The following PCDHA4 variants were observed in gnomAD, a reference collection of about 807,000 sequenced individuals.
The protein encoded by PCDHA4 is protocadherin alpha-4.
A neutral mutation model predicts 61.4 loss-of-function variants in PCDHA4; 49 were observed. That is an observed-to-expected ratio of 0.80 (90% CI 0.63 to 1.01). The LOEUF (loss-of-function observed/expected upper bound fraction) is 1.01, where lower values mean the gene tolerates loss of function less well. Ranked by LOEUF, PCDHA4 falls within the 50% of genes least tolerant of loss-of-function variation. The pLI is 0.00. For missense variants in PCDHA4, 1,254 were observed against 1,235.8 expected (o/e 1.01, Z -0.22); for synonymous variants, 590 against 550.3 (o/e 1.07, Z -1.01).
chr5:140,978,967 G>C lies in PCDHA4; in HGVS notation c.2404G>C (p.Asp802His), dbSNP rs782109224. 1.9e-6 allele frequency: 3 copies of C among 1,614,038 alleles called. No homozygotes were observed. The highest frequency in any genetic ancestry group is 1.1e-5 in the South Asian group (1 of 91,066). The stretch of plus-strand genomic sequence containing the variant: ...TTTGCAGCCACGACAGCCCAACCCT[G>C]ACTGGCGTTACTCTGCCTCCCTGAG... ...SFAKPRQPNPDWRYSASLRAG... is the reference protein window; with the variant it reads ...SFAKPRQPNPHWRYSASLRAG... The change falls in exon 2 of 4, where the codon GAC (aspartate) becomes CAC (histidine). Residue 802 changes from aspartate to histidine, a missense_variant. Asp to His is a moderately conservative substitution (Grantham distance 81). Coordinates refer to ENST00000530339, the MANE Select transcript of PCDHA4 (RefSeq NM_018907.4).
intron 1 of PCDHA4, chr5:140,828,480 C>A (rs2150155804): frequency 6.2e-7 from 1 of 1,614,198 alleles, no homozygotes; most frequent in African/African-American, 1.3e-5. Context: ...AACGACAACC[C>A]GCCCTTGTTC....
chr5:141,009,563 C>A, intron 3 of PCDHA4, 64 bp from the exon 4 acceptor site: 1 of 1,571,920 alleles, frequency 6.4e-7, no homozygotes, highest in Non-Finnish European at 8.6e-7. Flanking sequence ...TGTACTCTAC[C>A]AGCAGTGTGG....
At position 140,951,793 on chromosome 5, in the gene PCDHA4, C is replaced by T. The variant is rs536005204; in HGVS notation, c.2386-27156C>T. 5.3e-5 allele frequency among the ~76,000 whole-genome samples: 8 copies of T among 152,244 alleles called. No homozygotes were observed. The South Asian group carries it at 1.7e-3, about 32-fold the overall frequency. On this transcript the variant is annotated intron_variant, in intron 1 of 3. Coordinates refer to ENST00000530339, the MANE Select transcript of PCDHA4 (RefSeq NM_018907.4). ...TTCTTACATTGCAAAATACAATTAT[C>T]CCTTCCCAATGGTCCCTCAAAGTCT...
At chr5:141,005,868 G>T (rs1428789229) in intron 3 of PCDHA4, among the ~76,000 whole-genome samples, 1 of 152,078 alleles carries the variant, frequency 6.6e-6, no homozygotes, top group African/African-American at 2.4e-5. Flanking sequence ...GGTCGATTGA[G>T]TCCAGGAGTT....
chr5:140,997,781 C>G (rs1207024588), intron 3 of PCDHA4, among the ~76,000 whole-genome samples: 1 of 151,626 alleles, frequency 6.6e-6, no homozygotes, highest in Non-Finnish European at 1.5e-5. Context: ...TGTTGTATAC[C>G]TATATTATAA....
rs1463277099 is a variant in PCDHA4, at chr5:140,808,870, C to T, written c.1683C>T (p.Asn561=). 6.8e-6 allele frequency: 11 copies of T among 1,613,180 alleles called. No individual in the cohort carries two copies. The highest frequency in any genetic ancestry group is 9.3e-6 in the Non-Finnish European group (11 of 1,179,908). The change falls in exon 1 of 4, where the codon AAC becomes AAT. Residue 561 remains asparagine, a synonymous_variant. Coordinates refer to ENST00000530339, the MANE Select transcript of PCDHA4 (RefSeq NM_018907.4). ...LQVFVLDEND[N]APALLAPRAG... ...TGTTCGTGCTGGACGAAAACGACAA[C>T]GCGCCAGCACTGCTAGCGCCTCGGG... is the stretch of plus-strand genomic sequence containing the variant.
At position 140,858,138 on chromosome 5, in the gene PCDHA4, A is replaced by T. The variant is rs577433161; in HGVS notation, c.2385+48566A>T. On this transcript the variant is annotated intron_variant, in intron 1 of 3. Coordinates refer to ENST00000530339, the MANE Select transcript of PCDHA4 (RefSeq NM_018907.4). ...GTGGCCCTGGTGGATGTCAACGTGT[A>T]CCTGATCATCGCCATCTGCGCGGTG... 43 of 1,597,514 alleles carry T rather than the reference A, an allele frequency of 2.7e-5. 1 individual carries two copies. The African/African-American group carries it at 5.5e-4, about 20-fold the overall frequency.
chr5:140,884,577 T>G, intron 1 of PCDHA4: 1 of 1,614,230 alleles, frequency 6.2e-7, no homozygotes, highest in Non-Finnish European at 8.5e-7. Context: ...ACGGACCTCA[T>G]GGCCTTCAGT....
rs117279546 is a variant in PCDHA4 at position 140,845,433 on chromosome 5, T to C, written c.2385+35861T>C. On this transcript the variant is annotated intron_variant, in intron 1 of 3. Coordinates refer to ENST00000530339, the MANE Select transcript of PCDHA4 (RefSeq NM_018907.4). ...TGGCAATTTATCATTTAAGTCATTT[T>C]AGTTCTGTTTTTCTTCAACTCTCTG... Among the ~76,000 whole-genome samples the C allele has an allele frequency of 1.1e-4, 16 of 149,790 alleles. No individual in the cohort carries two copies. In the East Asian group the frequency reaches 2.1e-3, roughly 20 times the overall value.
At chr5:140,838,112 G>C (rs950197929) in intron 1 of PCDHA4, among the ~76,000 whole-genome samples, 3 of 149,312 alleles carry the variant, frequency 2.0e-5, no homozygotes, top group Non-Finnish European at 4.5e-5. Context: ...GTGTGTGTGT[G>C]TGTGTGTGTG....
At position 140,892,381 on chromosome 5, in the gene PCDHA4, G is replaced by A. The variant is rs534818455; in HGVS notation, c.2385+82809G>A. Among the ~76,000 whole-genome samples the A allele has an allele frequency of 2.6e-5, 4 of 152,070 alleles. No individual in the cohort carries two copies. The South Asian group carries it at 8.3e-4, about 32-fold the overall frequency. On this transcript the variant is annotated intron_variant, in intron 1 of 3. Coordinates refer to ENST00000530339, the MANE Select transcript of PCDHA4 (RefSeq NM_018907.4). ...GCATCTTGGGGCACTAGCAATCATG[G>A]GTAATCTTAATCTATTTCAAGCTTC...
intron 1 of PCDHA4, among the ~76,000 whole-genome samples, chr5:140,894,543 T>C (rs782418710): frequency 2.6e-5 from 4 of 152,088 alleles, no homozygotes; most frequent in Non-Finnish European, 4.4e-5. Flanking sequence ...TCTGGTTTAG[T>C]GTTTACTTCT....
At chr5:140,967,166 G>T (rs563863114) in intron 1 of PCDHA4, 1 of 1,611,394 alleles carries the variant, frequency 6.2e-7, no homozygotes, top group South Asian at 1.1e-5. Context: ...GGTGAGCGCC[G>T]TTGAGGTGGA....
At chr5:140,826,269 A>G (rs1554130513) in intron 1 of PCDHA4, among the ~76,000 whole-genome samples, 5 of 152,168 alleles carry the variant, frequency 3.3e-5, no homozygotes, top group Non-Finnish European at 7.4e-5. Flanking sequence ...GTCTTTATGT[A>G]TATTTTGTGC....
intron 1 of PCDHA4, chr5:140,829,829 C>A: frequency 6.2e-7 from 1 of 1,613,904 alleles, no homozygotes; most frequent in Non-Finnish European, 8.5e-7. Flanking sequence ...AGTGAGCGAG[C>A]TGGTGCCGCG....
intron 1 of PCDHA4, among the ~76,000 whole-genome samples, chr5:140,846,373 C>CTTTTTTTTT (rs374699051): frequency 1.6e-4 from 9 of 55,150 alleles, no homozygotes; most frequent in Non-Finnish European, 2.9e-4. Context: ...TTCTTTCTTT[C>CTTTTTTTTT]TTTTTTTTTT....
chr5:140,833,845 A>G (rs2150211718), intron 1 of PCDHA4, among the ~76,000 whole-genome samples: 239 of 152,320 alleles, frequency 1.6e-3, no homozygotes, highest in African/African-American at 5.6e-3. Flanking sequence ...GATTTTTCTT[A>G]ACAAGCGATA....
chr5:140,966,934 G>C (rs782780798), intron 1 of PCDHA4: 3 of 1,604,080 alleles, frequency 1.9e-6, no homozygotes, highest in Non-Finnish European at 2.5e-6. Flanking sequence ...CACCCGGCGC[G>C]CTCGTGGGCA....
Position 140,850,965 on chromosome 5 carries a change from G to C in PCDHA4, c.2385+41393G>C, listed in dbSNP as rs200912451. 36 of 1,464,074 alleles carry C rather than the reference G, an allele frequency of 2.5e-5. 1 individual carries two copies. In the Middle Eastern group the frequency reaches 5.9e-4, roughly 24 times the overall value. 90.7% of individuals were successfully genotyped at this position (1,464,074 alleles called of 1,614,324 possible). A position where few individuals can be genotyped will look rare whatever the true frequency, so the allele number is the denominator to read the frequency against. On this transcript the variant is annotated intron_variant, in intron 1 of 3. Transcript: ENST00000530339. Reference sequence around the variant, plus strand: ...ATATTATCGATTACTCCCAGGGGCCGTTCAAATAGTTTTATTCATTTTTCT... The same window carrying C: ...ATATTATCGATTACTCCCAGGGGCCCTTCAAATAGTTTTATTCATTTTTCT...
Sources: gnomAD v4.1 joint callset for allele counts (sites outside exome capture counted in the v4.1 genomes callset) on GRCh38, gnomAD v4.1.1 for gene constraint, MANE v1.5 for transcripts, NCBI Gene and HGNC (gene_info 2026-07-23, HGNC 2026-07-21) for gene names.